The following TYR variants were observed in gnomAD, a reference collection of about 807,000 sequenced individuals.
TYR encodes the protein tyrosinase, also known as LB24-AB.
In TYR, 58 loss-of-function variants were observed where a neutral mutation model predicts 51.5. The ratio of observed to expected loss-of-function variants is 1.13; its 90% CI spans 0.91 to 1.40. The LOEUF is 1.40. Among genes scored for constraint, TYR ranks in the 40% most tolerant of loss-of-function variants. TYR has a pLI of 0.00. For synonymous variants in TYR, 263 were observed against 235.2 expected (o/e 1.12, Z -1.08); for missense variants, 732 against 647.4 (o/e 1.13, Z -1.42).
At chr11:89,230,507 TAACA>T (rs1168585988) in intron 3 of TYR, among the ~76,000 whole-genome samples, 1 of 151,910 alleles carries the variant, frequency 6.6e-6, no homozygotes, top group Non-Finnish European at 1.5e-5. Context: ...AAAGCAAAGG[TAACA>T]AACACAAAAA....
At chr11:89,285,096 C>A in intron 4 of TYR, 142 bp downstream of exon 4, 2 of 739,472 alleles carry the variant, frequency 2.7e-6, no homozygotes, top group South Asian at 1.8e-5. Context: ...TAATTTATTA[C>A]CAGTTTATTA....
At chr11:89,251,154 A>G (rs1349229719) in intron 3 of TYR, among the ~76,000 whole-genome samples, 1 of 151,964 alleles carries the variant, frequency 6.6e-6, no homozygotes, top group Non-Finnish European at 1.5e-5. Flanking sequence ...TTTAATTCCA[A>G]AAGATATTCT....
chr11:89,190,632 T>G (rs1473925327), intron 1 of TYR, among the ~76,000 whole-genome samples: 1 of 152,084 alleles, frequency 6.6e-6, no homozygotes, highest in East Asian at 1.9e-4. Flanking sequence ...ATAAATTTAA[T>G]GTAGCCGATA....
At chr11:89,240,297 A>G (rs910273774) in intron 3 of TYR, among the ~76,000 whole-genome samples, 6 of 152,182 alleles carry the variant, frequency 3.9e-5, no homozygotes, top group Admixed American at 6.6e-5. Flanking sequence ...AAAGGATCCA[A>G]TTGGTAAAAA....
intron 3 of TYR, among the ~76,000 whole-genome samples, chr11:89,257,870 T>C (rs1236506062): frequency 6.6e-6 from 1 of 152,044 alleles, no homozygotes; most frequent in South Asian, 2.1e-4. Context: ...CATTAAATTA[T>C]TGAACACAGA....
intron 2 of TYR, among the ~76,000 whole-genome samples, chr11:89,220,503 A>G (rs371057691): frequency 6.6e-6 from 1 of 152,186 alleles, no homozygotes; most frequent in Admixed American, 6.5e-5. Flanking sequence ...TCCAAACTAT[A>G]TCATTACTGA....
chr11:89,241,713 C>A (rs1944196854), intron 3 of TYR, among the ~76,000 whole-genome samples: 1 of 148,056 alleles, frequency 6.8e-6, no homozygotes, highest in Non-Finnish European at 1.5e-5. Flanking sequence ...GTATTGCAGT[C>A]CATTTGTATA....
chr11:89,256,973 G>A lies in TYR; in HGVS notation c.1185-27800G>A, dbSNP rs528404636. Reference sequence around the variant, plus strand: ...AGGGGTGTGAGGGAATGGGGAATACGGCCTAAAGCATGTTGAAACTTCTTA... The same window carrying A: ...AGGGGTGTGAGGGAATGGGGAATACAGCCTAAAGCATGTTGAAACTTCTTA... On this transcript the variant is annotated intron_variant, in intron 3 of 4. Transcript: ENST00000263321. Among the ~76,000 whole-genome samples the A allele has an allele frequency of 9.2e-5, 14 of 151,908 alleles. No individual in the cohort carries two copies. The East Asian group carries it at 1.2e-3, about 13-fold the overall frequency.
At chr11:89,244,980 A>T (rs552315142) in intron 3 of TYR, among the ~76,000 whole-genome samples, 1 of 152,326 alleles carries the variant, frequency 6.6e-6, no homozygotes, top group Non-Finnish European at 1.5e-5. Flanking sequence ...AGCACCAAAG[A>T]ACGGGGACCA....
chr11:89,270,553 G>A (rs1389229856), intron 3 of TYR, among the ~76,000 whole-genome samples: 1 of 151,674 alleles, frequency 6.6e-6, no homozygotes, highest in African/African-American at 2.4e-5. Flanking sequence ...CTAACTGATG[G>A]GGGTTAATGA....
At chr11:89,208,416 C>T (rs1381922888) in intron 2 of TYR, among the ~76,000 whole-genome samples, 1 of 151,760 alleles carries the variant, frequency 6.6e-6, no homozygotes, top group Non-Finnish European at 1.5e-5. Flanking sequence ...ATTTATTGAC[C>T]TTTCTTGATG....
At chr11:89,199,257 T>C (rs1215680881) in intron 2 of TYR, among the ~76,000 whole-genome samples, 2 of 152,228 alleles carry the variant, frequency 1.3e-5, no homozygotes, top group East Asian at 3.9e-4. Flanking sequence ...TTTATAATCC[T>C]TTGGGTATAT....
chr11:89,278,831 C>T (rs2135320083), intron 3 of TYR, among the ~76,000 whole-genome samples: 1 of 151,794 alleles, frequency 6.6e-6, no homozygotes, highest in African/African-American at 2.4e-5. Context: ...TACTATATTA[C>T]ATTTAATCAT....
chr11:89,260,839 G>C (rs1432850690), intron 3 of TYR, among the ~76,000 whole-genome samples: 7 of 152,100 alleles, frequency 4.6e-5, no homozygotes, highest in Non-Finnish European at 8.8e-5. Context: ...CTGGGCCATG[G>C]GCTGCTACTT....
intron 1 of TYR, among the ~76,000 whole-genome samples, chr11:89,183,046 T>C (rs1178242173): frequency 6.6e-6 from 1 of 152,120 alleles, no homozygotes; most frequent in Non-Finnish European, 1.5e-5. Flanking sequence ...GCTTCTCTTT[T>C]TTCTTTATGA....
intron 3 of TYR, among the ~76,000 whole-genome samples, chr11:89,242,198 T>A (rs1410420739): frequency 1.3e-5 from 2 of 151,920 alleles, no homozygotes; most frequent in Non-Finnish European, 2.9e-5. Context: ...GTTTTTTGGG[T>A]TATCTTTGTT....
At chr11:89,220,696 G>A (rs1943899025) in intron 2 of TYR, among the ~76,000 whole-genome samples, 1 of 152,274 alleles carries the variant, frequency 6.6e-6, no homozygotes, top group East Asian at 1.9e-4. Flanking sequence ...GGAGGTTGCA[G>A]TGAGCGGAGA....
chr11:89,210,476 AC>A (rs1279015831), intron 2 of TYR, among the ~76,000 whole-genome samples: 1 of 152,196 alleles, frequency 6.6e-6, no homozygotes, highest in East Asian at 1.9e-4. Context: ...ATTTGAAAAG[AC>A]CAAACCTACA....
At chr11:89,198,594 T>G (rs1433581639) in intron 2 of TYR, among the ~76,000 whole-genome samples, 1 of 152,114 alleles carries the variant, frequency 6.6e-6, no homozygotes, top group Non-Finnish European at 1.5e-5. Context: ...TCCTCACATG[T>G]TATCTTATTT....
Sources: allele counts gnomAD v4.1 joint callset (sites outside exome capture counted in the v4.1 genomes callset), GRCh38; gene constraint gnomAD v4.1.1; transcripts MANE v1.5; gene names NCBI Gene and HGNC (gene_info 2026-07-23, HGNC 2026-07-21).